NR2C2: variants seen among roughly 807,000 people sequenced by gnomAD.
The protein encoded by NR2C2 is Nuclear hormone receptor TR4.
Under a neutral mutation model 62.9 loss-of-function variants are expected in NR2C2, and 6 were observed. The observed-to-expected ratio is 0.10, with a 90% CI of 0.05 to 0.19. The LOEUF (loss-of-function observed/expected upper bound fraction) is 0.19, where lower values mean the gene tolerates loss of function less well. Ranked by LOEUF, NR2C2 falls within the 10% of genes least tolerant of loss-of-function variation. NR2C2 has a pLI of 1.00. For missense variants in NR2C2, 479 were observed against 762.7 expected, an observed-to-expected ratio of 0.63 and a Z score of 4.38; for synonymous variants, 272 against 273.8, an observed-to-expected ratio of 0.99 and a Z score of 0.07.
At chr3:14,956,401 G>A (rs1269272398) in intron 1 of NR2C2, among the ~76,000 whole-genome samples, 1 of 152,158 alleles carries the variant, frequency 6.6e-6, no homozygotes, top group African/African-American at 2.4e-5. Flanking sequence ...ATGCCCAGTA[G>A]TATTTTGCAA....
Position 15,044,817 on chromosome 3 carries a change from G to C in NR2C2, c.*1809G>C, listed in dbSNP as rs575576145. 3 of 152,384 alleles carry C rather than the reference G, an allele frequency of 2.0e-5. No homozygotes were observed. The East Asian group carries it at 5.8e-4, about 29-fold the overall frequency. 9.4% of individuals were successfully genotyped at this position (152,384 alleles called of 1,614,324 possible). ...TGGAAGCTGCTGCAGGCTCAAGGCA[G>C]AACAGGATGCTTGATCCTGAAGGGT... is the stretch of plus-strand genomic sequence containing the variant. On this transcript the variant is annotated 3_prime_UTR_variant, in exon 14 of 14. Coordinates refer to ENST00000425241, the MANE Select transcript of NR2C2 (RefSeq NM_001291694.2).
intron 1 of NR2C2, among the ~76,000 whole-genome samples, chr3:14,995,087 C>A (rs374056185): frequency 6.7e-6 from 1 of 148,786 alleles, no homozygotes; most frequent in Non-Finnish European, 1.5e-5. Flanking sequence ...CGAGTTGAAC[C>A]CTCTGGGTTC....
At chr3:15,005,368 CTTTTTTT>C (rs761731325) in intron 2 of NR2C2, among the ~76,000 whole-genome samples, 6 of 83,048 alleles carry the variant, frequency 7.2e-5, no homozygotes, top group South Asian at 4.1e-4. Context: ...ACGCATAATG[CTTTTTTT>C]TTTTTTTTTT....
At chr3:14,964,747 C>T (rs1056153720) in intron 1 of NR2C2, among the ~76,000 whole-genome samples, 1 of 151,424 alleles carries the variant, frequency 6.6e-6, no homozygotes, top group Non-Finnish European at 1.5e-5. Context: ...TAGTCTTGAT[C>T]TCCTGACCTC....
intron 1 of NR2C2, among the ~76,000 whole-genome samples, chr3:14,961,414 A>G (rs1457346416): frequency 6.6e-6 from 1 of 152,186 alleles, no homozygotes; most frequent in Non-Finnish European, 1.5e-5. Flanking sequence ...ATGAACTGTA[A>G]TTTTCTATAT....
At chr3:15,034,133 A>T (rs539334237) in intron 10 of NR2C2, among the ~76,000 whole-genome samples, 1 of 152,220 alleles carries the variant, frequency 6.6e-6, no homozygotes, top group Non-Finnish European at 1.5e-5. Context: ...TTTGCTGACT[A>T]ACTGAGTAGA....
chr3:15,029,833 A>ATAGG (rs1239415410), intron 8 of NR2C2, among the ~76,000 whole-genome samples: 1 of 122,222 alleles, frequency 8.2e-6, no homozygotes, highest in Non-Finnish European at 1.7e-5. Context: ...AGATAGATAG[A>ATAGG]TAGATAGATA....
At position 15,002,447 on chromosome 3, in the gene NR2C2, C is replaced by T. The variant is rs896760885; in HGVS notation, c.-39-1429C>T. 7.2e-5 allele frequency among the ~76,000 whole-genome samples: 11 copies of T among 151,928 alleles called. No individual in the cohort carries two copies. In the South Asian group the frequency reaches 2.1e-3, roughly 29 times the overall value. ...CCCCAGTTATTCGTGGTGTATAATC[C>T]TTTATATACCACTGGATTTGGTTTG... On this transcript the variant is annotated intron_variant, in intron 1 of 13. Coordinates refer to ENST00000425241, the MANE Select transcript of NR2C2 (RefSeq NM_001291694.2).
intron 1 of NR2C2, among the ~76,000 whole-genome samples, chr3:14,992,042 G>A (rs2040687629): frequency 1.3e-5 from 2 of 152,024 alleles, no homozygotes; most frequent in Admixed American, 6.6e-5. Context: ...AAACTGCTGT[G>A]ATTATAGACA....
At position 15,020,770 on chromosome 3, in the gene NR2C2, G is replaced by A. The variant is rs1451062734; in HGVS notation, c.394G>A (p.Val132Ile). ...TGTTTCAGGCCGTCACTATGGGGCTGTCAGTTGTGAAGGTTGCAAAGGTTT... is the reference window on the plus strand; with the variant it reads ...TGTTTCAGGCCGTCACTATGGGGCTATCAGTTGTGAAGGTTGCAAAGGTTT... ...DKASGRHYGA[V>I]SCEGCKGFFK... Residue 132 changes from valine to isoleucine, a missense_variant, in exon 5 of 14, where the codon GTC (valine) becomes ATC (isoleucine). Physicochemically the swap from Val to Ile is conservative, Grantham distance 29. Around this residue, in one of 4 missense-constraint regions of NR2C2, gnomAD observed 51 missense variants for 137.5 expected, o/e 0.37. Transcript: ENST00000425241. 1 of 1,614,138 alleles carries A rather than the reference G, an allele frequency of 6.2e-7. No individual in the cohort carries two copies. Among genetic ancestry groups the A allele is most frequent in the Non-Finnish European group, 8.5e-7 (1 of 1,180,024 alleles).
chr3:15,041,324 T>C (rs1430659867), intron 13 of NR2C2, among the ~76,000 whole-genome samples: 1 of 152,182 alleles, frequency 6.6e-6, no homozygotes, highest in African/African-American at 2.4e-5. Flanking sequence ...TCTCTGCTGA[T>C]AGAAATCTTA....
chr3:14,974,663 G>T (rs1042540678), intron 1 of NR2C2, among the ~76,000 whole-genome samples: 5 of 151,296 alleles, frequency 3.3e-5, no homozygotes, highest in Non-Finnish European at 1.5e-5. Context: ...GAGTGCAGTG[G>T]TACAATTTAG....
At chr3:14,949,128 A>G (rs766450828) in intron 1 of NR2C2, among the ~76,000 whole-genome samples, 1 of 152,184 alleles carries the variant, frequency 6.6e-6, no homozygotes, top group Non-Finnish European at 1.5e-5. Context: ...GGCACTGGGG[A>G]CACATCTGGA....
At chr3:14,968,637 A>G (rs1352875712) in intron 1 of NR2C2, among the ~76,000 whole-genome samples, 5 of 147,518 alleles carry the variant, frequency 3.4e-5, no homozygotes, top group Admixed American at 1.3e-4. Context: ...ATTACTGGGT[A>G]TATACCCAAA....
At chr3:14,995,157 C>G (rs529053922) in intron 1 of NR2C2, among the ~76,000 whole-genome samples, 1 of 150,954 alleles carries the variant, frequency 6.6e-6, no homozygotes, top group African/African-American at 2.4e-5. Flanking sequence ...CGCCATCACG[C>G]CTGGCTAGTT....
At chr3:14,965,372 A>G (rs1474103858) in intron 1 of NR2C2, among the ~76,000 whole-genome samples, 1 of 151,954 alleles carries the variant, frequency 6.6e-6, no homozygotes, top group Non-Finnish European at 1.5e-5. Context: ...AACATCATTA[A>G]TTCTTTAGGA....
intron 1 of NR2C2, among the ~76,000 whole-genome samples, chr3:14,968,269 A>G (rs1425306909): frequency 6.6e-6 from 1 of 152,246 alleles, no homozygotes; most frequent in South Asian, 2.1e-4. Flanking sequence ...CAGAATCTAC[A>G]ATGAACTCAA....
chr3:14,947,787 G>A lies in NR2C2; in HGVS notation c.-159G>A, dbSNP rs1446710725. On this transcript the variant is annotated 5_prime_UTR_variant, in exon 1 of 14. Coordinates refer to ENST00000425241, the MANE Select transcript of NR2C2 (RefSeq NM_001291694.2). ...CTGCCCCGCGAGCCCGCGGCCCCCG[G>A]GCTCCCGCCATCCGCCGACACCGGG... is the stretch of plus-strand genomic sequence containing the variant. The A allele has an allele frequency of 2.7e-5, 4 of 148,672 alleles. No individual in the cohort carries two copies. The highest frequency in any genetic ancestry group is 6.0e-5 in the Non-Finnish European group (4 of 66,724). 9.2% of individuals were successfully genotyped at this position (148,672 alleles called of 1,614,324 possible). A position where few individuals can be genotyped will look rare whatever the true frequency, so the allele number is the denominator to read the frequency against.
At chr3:14,960,705 TA>T (rs1231215112) in intron 1 of NR2C2, among the ~76,000 whole-genome samples, 1 of 152,252 alleles carries the variant, frequency 6.6e-6, no homozygotes, top group East Asian at 1.9e-4. Context: ...CTAAAAGTGA[TA>T]AAAATTATTA....
Sources: allele counts gnomAD v4.1 joint callset (sites outside exome capture counted in the v4.1 genomes callset), GRCh38; gene constraint gnomAD v4.1.1; regional missense constraint gnomAD v4.1.1; transcripts MANE v1.5; gene names NCBI Gene and HGNC (gene_info 2026-07-23, HGNC 2026-07-21).